Variants in RFC5 observed in about 807,000 individuals in gnomAD.
RFC5 encodes replication factor C subunit 5.
A neutral mutation model predicts 44.3 loss-of-function variants in RFC5; 26 were observed. That is an observed-to-expected ratio of 0.59 (90% confidence interval 0.43 to 0.81). The LOEUF (loss-of-function observed/expected upper bound fraction) is 0.81, where lower values mean the gene tolerates loss of function less well. Ranked by LOEUF, RFC5 falls within the 40% of genes least tolerant of loss-of-function variation. The pLI, the probability that RFC5 is intolerant of heterozygous loss-of-function variation, is 0.00. For synonymous variants in RFC5, 155 were observed against 155.2 expected (o/e 1.00, Z 0.01); for missense variants, 328 against 418.6 (o/e 0.78, Z 1.89).
Position 118,016,727 on chromosome 12 carries a change from G to GT in RFC5, c.-100dup, listed in dbSNP as rs1369655404. ...CGAGAGTTGCTTTTGCGCGCGAACT[G>GT]TAAGTGCCAGGGTCTCAGGGTCAGG... On this transcript the variant is annotated 5_prime_UTR_variant, in exon 1 of 11. Transcript: ENST00000454402. 5.2e-6 allele frequency: 5 copies of GT among 962,294 alleles called. No homozygotes were observed. Among genetic ancestry groups the GT allele is most frequent in the African/African-American group, 1.6e-5 (1 of 60,794 alleles). The allele number at this position is 962,294 out of a possible 1,614,324, so 59.6% of individuals were successfully genotyped here.
intron 8 of RFC5, among the ~76,000 whole-genome samples, chr12:118,027,683 A>AAAAG (rs5801263): frequency 0.096 from 14,278 of 149,082 alleles, 1,081 homozygotes; most frequent in East Asian, 0.39. Context: ...AAAAAAAAAA[A>AAAAG]AAAGAAAGAA....
chr12:118,028,977 TCTGCCCAGGC>T (rs1264852535), intron 9 of RFC5, among the ~76,000 whole-genome samples: 2 of 152,246 alleles, frequency 1.3e-5, no homozygotes, highest in East Asian at 3.8e-4. Flanking sequence ...GAATGTTGGT[TCTGCCCAGGC>T]CTTCACAGGC....
At chr12:118,036,079 G>A (rs2031503079), downstream of RFC5, 2 of 291,902 alleles carry the variant, frequency 6.9e-6, no homozygotes, top group Non-Finnish European at 1.3e-5. Flanking sequence ...GCGCACGCTT[G>A]TAGTCCTAGC....
chr12:118,038,171 A>C, the RFC5 span: 38 of 856,136 alleles, frequency 4.4e-5, no homozygotes, highest in Non-Finnish European at 5.9e-5. Context: ...ATGGCCCACC[A>C]GCATGCCTTC....
intron 10 of RFC5, among the ~76,000 whole-genome samples, chr12:118,030,464 G>C (rs2031240302): frequency 6.6e-6 from 1 of 151,884 alleles, no homozygotes; most frequent in Non-Finnish European, 1.5e-5. Context: ...CTAGACCACA[G>C]ACCCACCAAT....
downstream of RFC5, chr12:118,034,116 A>G (rs1421951302): frequency 6.4e-7 from 1 of 1,558,316 alleles, no homozygotes; most frequent in African/African-American, 1.4e-5. Flanking sequence ...GCAAGACCAG[A>G]TGTTTGGCCC....
At position 118,024,889 on chromosome 12, in the gene RFC5, A is replaced by T; in HGVS notation, c.460A>T (p.Ile154Phe). 1 of 1,613,634 alleles carries T rather than the reference A, an allele frequency of 6.2e-7. No individual in the cohort carries two copies. Among genetic ancestry groups the T allele is most frequent in the Non-Finnish European group, 8.5e-7 (1 of 1,179,808 alleles). The stretch of plus-strand genomic sequence containing the variant: ...CACAGAAAATACCAGATTCTGCCTC[A>T]TCTGTAACTATCTGTCAAAGATCAT... ...KFTENTRFCLICNYLSKIIPA... is the reference protein window; with the variant it reads ...KFTENTRFCLFCNYLSKIIPA... The change falls in exon 6 of 11, where the codon ATC (isoleucine) becomes TTC (phenylalanine). Residue 154 changes from isoleucine (I) to phenylalanine (F), a missense_variant. By Grantham distance (21) the Ile-to-Phe change is conservative. Coordinates refer to ENST00000454402, the MANE Select transcript of RFC5 (RefSeq NM_007370.7).
rs1202637885 is a variant in RFC5, at chr12:118,031,751, C to G, written c.*473C>G. The G allele has an allele frequency of 1.3e-5, 2 of 152,108 alleles. No homozygotes were observed. The highest frequency in any genetic ancestry group is 1.5e-5 in the Non-Finnish European group (1 of 68,062). The allele number at this position is 152,108 out of a possible 1,614,324, so 9.4% of individuals were successfully genotyped here. A position where few individuals can be genotyped will look rare whatever the true frequency, so the allele number is the denominator to read the frequency against. ...AAACAGATGTTAATGGACGTCTGGC[C>G]GAAACTATTATACTTTTATAAGATG... On this transcript the variant is annotated 3_prime_UTR_variant, in exon 11 of 11. Transcript: ENST00000454402.
At chr12:118,022,143 A>C (rs2030545095) in intron 4 of RFC5, 143 bp from the exon 5 acceptor site, 1 of 658,998 alleles carries the variant, frequency 1.5e-6, no homozygotes, top group South Asian at 1.8e-5. Flanking sequence ...TGAGTGACCA[A>C]AGATGTCTGC....
At chr12:118,034,958 C>A, downstream of RFC5, 1 of 1,600,360 alleles carries the variant, frequency 6.2e-7, no homozygotes. Flanking sequence ...GAAAGCACCA[C>A]CCATCTGTTC....
At position 118,019,837 on chromosome 12, in the gene RFC5, G is replaced by A. The variant is rs1566121096; in HGVS notation, c.267+69G>A. ...CAGTCTCTTAATTTCAGTTCTGCTG[G>A]TTTTATTTTACTTTAAAAGTAAGTT... On this transcript the variant is annotated intron_variant, in intron 3 of 10. Transcript: ENST00000454402. The surrounding 1 kb of genome is among the most constrained non-coding windows in gnomAD (Gnocchi z 4.2). The A allele has an allele frequency of 3.0e-6, 4 of 1,332,460 alleles. No individual in the cohort carries two copies. The highest frequency in any genetic ancestry group is 1.3e-5 in the South Asian group (1 of 77,038). The allele number at this position is 1,332,460 out of a possible 1,614,324, so 82.5% of individuals were successfully genotyped here. A position where few individuals can be genotyped will look rare whatever the true frequency, so the allele number is the denominator to read the frequency against.
At chr12:118,040,201 C>T in the RFC5 span, among the ~76,000 whole-genome samples, 1 of 151,996 alleles carries the variant, frequency 6.6e-6, no homozygotes, top group Non-Finnish European at 1.5e-5. Context: ...ATGGTTTCTT[C>T]AGCTGTCAAA....
At chr12:118,040,746 G>A in the RFC5 span, among the ~76,000 whole-genome samples, 1 of 152,098 alleles carries the variant, frequency 6.6e-6, no homozygotes, top group East Asian at 1.9e-4. Flanking sequence ...CACAGTACTG[G>A]GCAGAAACCA....
intron 5 of RFC5, among the ~76,000 whole-genome samples, chr12:118,023,334 G>A (rs981659928): frequency 2.7e-5 from 4 of 148,040 alleles, no homozygotes; most frequent in Admixed American, 6.8e-5. Flanking sequence ...AGAGAAGAAC[G>A]ATCTTTAGGA....
At chr12:118,034,390 G>A (rs1308077204), downstream of RFC5, 1 of 1,604,780 alleles carries the variant, frequency 6.2e-7, no homozygotes, top group Non-Finnish European at 8.5e-7. Context: ...TGCTAAGACA[G>A]AGCTTGGATG....
chr12:118,031,402 C>A lies in RFC5; in HGVS notation c.*124C>A. On this transcript the variant is annotated 3_prime_UTR_variant, in exon 11 of 11. Coordinates refer to ENST00000454402, the MANE Select transcript of RFC5 (RefSeq NM_007370.7). ...CAGTCACCCCGAATCTTGGAAAAAC[C>A]CCCTTCCAGGAGAGGATGGGCAGGC... 3.4e-6 allele frequency: 2 copies of A among 595,260 alleles called. No homozygotes were observed. Among genetic ancestry groups the A allele is most frequent in the Non-Finnish European group, 5.9e-6 (2 of 341,558 alleles). 36.9% of individuals were successfully genotyped at this position (595,260 alleles called of 1,614,324 possible). A position where few individuals can be genotyped will look rare whatever the true frequency, so the allele number is the denominator to read the frequency against.
intron 10 of RFC5, among the ~76,000 whole-genome samples, 175 bp downstream of exon 10, chr12:118,030,000 AT>A (rs2031212499): frequency 6.6e-6 from 1 of 152,116 alleles, no homozygotes; most frequent in Non-Finnish European, 1.5e-5. Flanking sequence ...CTTAAAGAAC[AT>A]GGGGATAAAT....
chr12:118,026,164 C>T (rs1476007799), intron 7 of RFC5, among the ~76,000 whole-genome samples: 3 of 152,012 alleles, frequency 2.0e-5, no homozygotes, highest in Non-Finnish European at 4.4e-5. Context: ...AATCCTGAGT[C>T]ATTGTTTTGT....
At chr12:118,024,583 A>G (rs1856411168) in intron 5 of RFC5, among the ~76,000 whole-genome samples, 1 of 151,630 alleles carries the variant, frequency 6.6e-6, no homozygotes, top group Admixed American at 6.6e-5. Flanking sequence ...GTGCCACCAC[A>G]CCTGGCTAAA....
Sources: gnomAD v4.1 joint callset for allele counts (sites outside exome capture counted in the v4.1 genomes callset) on GRCh38, gnomAD v4.1.1 for gene constraint, Gnocchi (gnomAD v3.1) non-coding constraint, MANE v1.5 for transcripts, NCBI Gene and HGNC (gene_info 2026-07-23, HGNC 2026-07-21) for gene names.